The following PGM2 variants were observed in gnomAD, a reference collection of about 807,000 sequenced individuals.
PGM2 encodes phosphopentomutase.
PGM2 carries 57 observed loss-of-function variants against 74.6 expected under a neutral mutation model. The ratio of observed to expected loss-of-function variants is 0.76; its 90% CI spans 0.62 to 0.95. PGM2 has a LOEUF of 0.95. PGM2 is among the 40% of genes least tolerant of loss of function. PGM2 has a pLI of 0.00. For synonymous variants in PGM2, 273 were observed against 260.7 expected (o/e 1.05, Z -0.46); for missense variants, 706 against 741.9 (o/e 0.95, Z 0.56).
chr4:37,847,708 G>A (rs1320219016), intron 10 of PGM2, among the ~76,000 whole-genome samples: 1 of 152,110 alleles, frequency 6.6e-6, no homozygotes, highest in Non-Finnish European at 1.5e-5. Flanking sequence ...GGAAGGCATG[G>A]TTTGCTGCTG....
intron 7 of PGM2, among the ~76,000 whole-genome samples, chr4:37,845,385 A>G (rs1177931659): frequency 6.6e-6 from 1 of 152,226 alleles, no homozygotes; most frequent in East Asian, 1.9e-4. Context: ...GCACACTGGT[A>G]GGCTTGGGTC....
chr4:37,849,558 TC>T (rs1361450817), intron 11 of PGM2, among the ~76,000 whole-genome samples: 5 of 151,052 alleles, frequency 3.3e-5, no homozygotes, highest in African/African-American at 1.2e-4. Flanking sequence ...ATTATAGGTG[TC>T]CCCACACCTG....
chr4:37,844,198 A>G (rs1013794854), intron 6 of PGM2, among the ~76,000 whole-genome samples, 166 bp from the exon 7 acceptor site: 1 of 139,446 alleles, frequency 7.2e-6, no homozygotes, highest in Non-Finnish European at 1.6e-5. Context: ...AAACTTGAGT[A>G]TGTTGAGGGA....
At chr4:37,849,711 G>C (rs1725983842) in intron 11 of PGM2, among the ~76,000 whole-genome samples, 1 of 151,118 alleles carries the variant, frequency 6.6e-6, no homozygotes, top group Admixed American at 6.6e-5. Flanking sequence ...GCCTGGCCTA[G>C]ACCTCTGTTT....
intron 3 of PGM2, among the ~76,000 whole-genome samples, chr4:37,835,641 A>G (rs527366857): frequency 1.3e-5 from 2 of 152,320 alleles, no homozygotes; most frequent in East Asian, 3.9e-4. Flanking sequence ...GAAAAGTCTT[A>G]TTAGCTTTAC....
In PGM2 at chr4:37,842,605, A is replaced by G. The variant is rs554521483; in HGVS notation, c.720-1759A>G. On this transcript the variant is annotated intron_variant, in intron 6 of 13. Transcript: ENST00000381967. The stretch of plus-strand genomic sequence containing the variant: ...TCACCTTTATGCAACAATTTCTAAC[A>G]TTAATCAAGTGCTTATTATATATCA... 3.2e-4 allele frequency among the ~76,000 whole-genome samples: 48 copies of G among 151,100 alleles called. No homozygotes were observed. The South Asian group carries it at 9.6e-3, about 30-fold the overall frequency.
chr4:37,829,796 A>G (rs1427469693), intron 1 of PGM2, among the ~76,000 whole-genome samples, 168 bp from the exon 2 acceptor site: 1 of 151,966 alleles, frequency 6.6e-6, no homozygotes, highest in East Asian at 1.9e-4. Flanking sequence ...TATAATGTCA[A>G]ACTGACTTCA....
chr4:37,826,795 G>C lies in PGM2; in HGVS notation c.63G>C (p.Gln21His). Reference protein sequence around the residue: ...EDARLDQETAQWLRWDKNSLT... With the variant: ...EDARLDQETAHWLRWDKNSLT... Reference sequence around the variant, plus strand: ...CCCGGCTGGACCAGGAGACCGCCCAGTGGCTGCGCTGGGACAAGGTGAGGG... The same window carrying C: ...CCCGGCTGGACCAGGAGACCGCCCACTGGCTGCGCTGGGACAAGGTGAGGG... Residue 21 changes from glutamine to histidine, a missense_variant, in exon 1 of 14, where the codon CAG becomes CAC. Around this residue, in one of 3 missense-constraint regions of PGM2, gnomAD observed 332 missense variants for 334.9 expected, o/e 0.99. Coordinates refer to ENST00000381967, the MANE Select transcript of PGM2 (RefSeq NM_018290.4). 1 of 1,548,556 alleles carries C rather than the reference G, an allele frequency of 6.5e-7. No individual in the cohort carries two copies. Among genetic ancestry groups the C allele is most frequent in the Non-Finnish European group, 8.7e-7 (1 of 1,145,578 alleles).
At chr4:37,842,343 G>GAC (rs1725752204) in intron 6 of PGM2, among the ~76,000 whole-genome samples, 1 of 151,382 alleles carries the variant, frequency 6.6e-6, no homozygotes, top group Admixed American at 6.6e-5. Flanking sequence ...TGCTTAGGAA[G>GAC]ACATGCTCTA....
intron 6 of PGM2, 99 bp downstream of exon 6, chr4:37,840,358 A>T (rs916119664): frequency 2.9e-6 from 2 of 694,562 alleles, no homozygotes; most frequent in African/African-American, 3.6e-5. Flanking sequence ...TTGCTCATGT[A>T]CTACAGCTGC....
chr4:37,834,743 A>G lies in PGM2; in HGVS notation c.356+19A>G, dbSNP rs759184547. Reference sequence around the variant, plus strand: ...GCAGAAGGTATTTAAACATTTTTACAAAATGATGTTTTTATAATTTATTTT... The same window carrying G: ...GCAGAAGGTATTTAAACATTTTTACGAAATGATGTTTTTATAATTTATTTT... On this transcript the variant is annotated intron_variant, in intron 3 of 13. Transcript: ENST00000381967. 18 of 1,161,870 alleles carry G rather than the reference A, an allele frequency of 1.5e-5. No homozygotes were observed. The highest frequency in any genetic ancestry group is 2.0e-4 in the Middle Eastern group (1 of 5,108). 72.0% of individuals were successfully genotyped at this position (1,161,870 alleles called of 1,614,324 possible).
At position 37,847,207 on chromosome 4, in the gene PGM2, A is replaced by T; in HGVS notation, c.1194A>T (p.Thr398=). The T allele has an allele frequency of 6.2e-7, 1 of 1,613,458 alleles. No individual in the cohort carries two copies. Among genetic ancestry groups the T allele is most frequent in the Non-Finnish European group, 8.5e-7 (1 of 1,179,386 alleles). Reference sequence around the variant, plus strand: ...CTTTTGGATTATCCCTTTAGGAAACATTAACTGGCTTTAAGTGGATGGGAA... The same window carrying T: ...CTTTTGGATTATCCCTTTAGGAAACTTTAACTGGCTTTAAGTGGATGGGAA... ...ALKEGFHFEE[T]LTGFKWMGNR... Residue 398 remains threonine (T), a synonymous_variant, in exon 10 of 14, where the codon ACA becomes ACT. Transcript: ENST00000381967.
chr4:37,861,443 G>T, intron 13 of PGM2, 67 bp from the exon 14 acceptor site: 1 of 995,144 alleles, frequency 1.0e-6, no homozygotes, highest in South Asian at 1.3e-5. Context: ...TGGTCAATGG[G>T]GGGAGCATTT....
intron 10 of PGM2, 42 bp from the exon 11 acceptor site, chr4:37,848,480 C>T: frequency 6.4e-7 from 1 of 1,564,384 alleles, no homozygotes; most frequent in African/African-American, 1.4e-5. Flanking sequence ...TGTGGTTTGA[C>T]ACAGTATTGT....
intron 2 of PGM2, among the ~76,000 whole-genome samples, chr4:37,832,924 C>G (rs1245724871): frequency 6.6e-6 from 1 of 152,088 alleles, no homozygotes; most frequent in Admixed American, 6.6e-5. Flanking sequence ...ATTCCCTTTT[C>G]CCTTGGCCAT....
chr4:37,856,699 C>T (rs60148184), intron 13 of PGM2, among the ~76,000 whole-genome samples: 14,107 of 152,166 alleles, frequency 0.093, 1,730 homozygotes, highest in African/African-American at 0.28. Context: ...CAGCATTTCC[C>T]TATTCAGAAT....
chr4:37,839,289 A>G lies in PGM2; in HGVS notation c.442-559A>G, dbSNP rs142546066. On this transcript the variant is annotated intron_variant, in intron 4 of 13. Transcript: ENST00000381967. The stretch of plus-strand genomic sequence containing the variant: ...GCCCATGCCTGGCTAATTTTTTTGT[A>G]TTTTTAGTAGAGACAGGGTTTCACC... Among the ~76,000 whole-genome samples the G allele has an allele frequency of 2.6e-3, 387 of 151,464 alleles. 2 individuals are homozygous for G. The highest frequency in any genetic ancestry group is 8.6e-3 in the African/African-American group (357 of 41,290).
intron 2 of PGM2, among the ~76,000 whole-genome samples, chr4:37,833,691 A>C (rs759335417): frequency 6.6e-6 from 1 of 152,260 alleles, no homozygotes; most frequent in Non-Finnish European, 1.5e-5. Flanking sequence ...GAAGGAAAAT[A>C]ACAACAAAAA....
chr4:37,856,290 C>T (rs1047504698), intron 13 of PGM2, among the ~76,000 whole-genome samples: 1 of 152,080 alleles, frequency 6.6e-6, no homozygotes, highest in Non-Finnish European at 1.5e-5. Context: ...GAGGCTGAGG[C>T]AGGAGAATGG....
Sources: gnomAD v4.1 joint callset for allele counts (sites outside exome capture counted in the v4.1 genomes callset) on GRCh38, gnomAD v4.1.1 for gene constraint, gnomAD v4.1.1 regional missense constraint, MANE v1.5 for transcripts, NCBI Gene and HGNC (gene_info 2026-07-23, HGNC 2026-07-21) for gene names.